Variants in RAD54L2 observed in about 807,000 individuals in gnomAD.
RAD54L2 encodes the protein RAD54 like 2, also known as helicase ARIP4.
RAD54L2 carries 27 observed loss-of-function variants against 138.4 expected under a neutral mutation model. The observed-to-expected ratio is 0.20, with a 90% CI of 0.14 to 0.27. RAD54L2 has a LOEUF of 0.27. Among genes scored for constraint, RAD54L2 ranks in the 10% least tolerant of loss-of-function variants. The pLI is 1.00. For synonymous variants in RAD54L2, 644 were observed against 723.2 expected, an observed-to-expected ratio of 0.89 and a Z score of 1.76; for missense variants, 1,396 against 1,890.2, an observed-to-expected ratio of 0.74 and a Z score of 4.85.
Position 51,662,814 on chromosome 3 carries a change from G to C in RAD54L2, c.3798G>C (p.Glu1266Asp). Residue 1266 changes from glutamate (E) to aspartate (D), a missense_variant, in exon 23 of 23, where the codon GAG becomes GAC. Physicochemically the swap from Glu to Asp is conservative, Grantham distance 45. This residue lies in a region of RAD54L2 where 634 missense variants were observed against 711.2 expected (regional missense o/e 0.89). Transcript: ENST00000684192. The surrounding 1 kb of genome is among the most constrained non-coding windows in gnomAD (Gnocchi z 4.6). ...TGGCCACACCACCTGCTGCCCAGGA[G>C]TCATCCCGCCGGCGGTCCAGGAAGG... ...RKLATPPAAQESSRRRSRKGH... is the reference protein window; with the variant it reads ...RKLATPPAAQDSSRRRSRKGH... 1 of 1,611,654 alleles carries C rather than the reference G, an allele frequency of 6.2e-7. No homozygotes were observed. Among genetic ancestry groups the C allele is most frequent in the Non-Finnish European group, 8.5e-7 (1 of 1,178,982 alleles).
At chr3:51,588,185 CAAAAAAAAAAAAA>C (rs987919898) in intron 2 of RAD54L2, among the ~76,000 whole-genome samples, 3 of 12,714 alleles carry the variant, frequency 2.4e-4, no homozygotes, top group Non-Finnish European at 4.9e-4. Context: ...GACTCCATCT[CAAAAAAAAAAAAA>C]AAAAAAAAAA....
At chr3:51,608,090 G>A (rs969077816) in intron 3 of RAD54L2, among the ~76,000 whole-genome samples, 1 of 151,760 alleles carries the variant, frequency 6.6e-6, no homozygotes, top group African/African-American at 2.4e-5. Flanking sequence ...GCCGGGTGGA[G>A]GGGCTCCTCA....
chr3:51,626,090 C>A (rs1303605094), intron 3 of RAD54L2, among the ~76,000 whole-genome samples: 1 of 149,334 alleles, frequency 6.7e-6, no homozygotes, highest in Non-Finnish European at 1.5e-5. Context: ...CCGACCCCAC[C>A]AAAAAAAAAC....
At chr3:51,577,777 T>A (rs1699512550) in intron 2 of RAD54L2, among the ~76,000 whole-genome samples, 1 of 152,188 alleles carries the variant, frequency 6.6e-6, no homozygotes, top group Non-Finnish European at 1.5e-5. Flanking sequence ...CCACCCAGTG[T>A]CCGACAAGCC....
chr3:51,663,669 A>T lies in RAD54L2; in HGVS notation c.*249A>T. 2.1e-6 allele frequency: 1 copy of T among 480,866 alleles called. No individual in the cohort carries two copies. Among genetic ancestry groups the T allele is most frequent in the Non-Finnish European group, 3.6e-6 (1 of 274,186 alleles). The allele number at this position is 480,866 out of a possible 1,614,324, so 29.8% of individuals were successfully genotyped here. On this transcript the variant is annotated 3_prime_UTR_variant, in exon 23 of 23. Coordinates refer to ENST00000684192, the MANE Select transcript of RAD54L2 (RefSeq NM_015106.4). Reference sequence around the variant, plus strand: ...AATCAGGGACCCAAAACAGGGATGGAGGGGCAGTGCAGCCTCTTTTCCTTC... The same window carrying T: ...AATCAGGGACCCAAAACAGGGATGGTGGGGCAGTGCAGCCTCTTTTCCTTC...
chr3:51,580,462 T>TA (rs1234307140), intron 2 of RAD54L2, among the ~76,000 whole-genome samples: 1 of 152,088 alleles, frequency 6.6e-6, no homozygotes, highest in African/African-American at 2.4e-5. Flanking sequence ...CCCTACTTCT[T>TA]AGAGTTCAGT....
At chr3:51,655,784 T>G (rs983179457) in intron 19 of RAD54L2, among the ~76,000 whole-genome samples, 187 bp from the exon 20 acceptor site, 2 of 152,222 alleles carry the variant, frequency 1.3e-5, no homozygotes, top group African/African-American at 4.8e-5. Flanking sequence ...TCTGCCTCTT[T>G]TGCTGCAACT....
chr3:51,541,563 C>T (rs1300763337), intron 1 of RAD54L2, 26 bp from the exon 2 acceptor site: 2 of 152,206 alleles, frequency 1.3e-5, no homozygotes, highest in Non-Finnish European at 2.9e-5. Context: ...GTTGCTTATC[C>T]CCTATGTCTG....
At chr3:51,553,866 A>G (rs1341979766) in intron 2 of RAD54L2, among the ~76,000 whole-genome samples, 2 of 152,192 alleles carry the variant, frequency 1.3e-5, no homozygotes, top group Non-Finnish European at 2.9e-5. Context: ...ACCATACTAT[A>G]GTCTATTAAG....
intron 15 of RAD54L2, among the ~76,000 whole-genome samples, chr3:51,643,145 C>T (rs966479251): frequency 1.3e-5 from 2 of 150,578 alleles, no homozygotes; most frequent in Non-Finnish European, 2.9e-5. Flanking sequence ...AAGTGATTCT[C>T]CTGCCTCAGC....
chr3:51,662,823 C>G lies in RAD54L2; in HGVS notation c.3807C>G (p.Arg1269=), dbSNP rs766223139. ...CACCTGCTGCCCAGGAGTCATCCCG[C>G]CGGCGGTCCAGGAAGGGTCATCTGC... The part of the protein sequence containing the change: ...ATPPAAQESS[R]RRSRKGHLPA... Residue 1269 remains arginine (R), a synonymous_variant, in exon 23 of 23, where the codon CGC becomes CGG. Coordinates refer to ENST00000684192, the MANE Select transcript of RAD54L2 (RefSeq NM_015106.4). The surrounding 1 kb of genome is among the most constrained non-coding windows in gnomAD (Gnocchi z 4.6). The G allele has an allele frequency of 6.2e-7, 1 of 1,612,108 alleles. No individual in the cohort carries two copies. The highest frequency in any genetic ancestry group is 1.1e-5 in the South Asian group (1 of 90,774).
At chr3:51,583,105 T>C (rs1699644064) in intron 2 of RAD54L2, among the ~76,000 whole-genome samples, 1 of 152,182 alleles carries the variant, frequency 6.6e-6, no homozygotes, top group African/African-American at 2.4e-5. Context: ...AACTTACATG[T>C]TAGCAAATAA....
chr3:51,540,709 C>T (rs183528667), intron 1 of RAD54L2, among the ~76,000 whole-genome samples: 14 of 152,318 alleles, frequency 9.2e-5, no homozygotes, highest in Admixed American at 5.2e-4. Context: ...TTATTGTAAA[C>T]ATTATCTTTT....
At chr3:51,624,795 A>G (rs745741283) in intron 3 of RAD54L2, among the ~76,000 whole-genome samples, 96 of 152,202 alleles carry the variant, frequency 6.3e-4, no homozygotes, top group Non-Finnish European at 1.1e-3. Context: ...TGGCATCAAC[A>G]TGAAAGGGAC....
chr3:51,561,359 C>T (rs1197406798), intron 2 of RAD54L2, among the ~76,000 whole-genome samples: 2 of 152,166 alleles, frequency 1.3e-5, no homozygotes, highest in Non-Finnish European at 2.9e-5. Context: ...GATTCTCCTG[C>T]CTCAGCCTCC....
rs911445897 is a variant in RAD54L2 at position 51,538,805 on chromosome 3, A to C, written c.-227A>C. On this transcript the variant is annotated 5_prime_UTR_variant, in exon 1 of 23. Coordinates refer to ENST00000684192, the MANE Select transcript of RAD54L2 (RefSeq NM_015106.4). Reference sequence around the variant, plus strand: ...GGCCTGGCCGGCTGCTTCCCGCCTCAGCCGCCGCCCCCGCCTCCGCCGCCG... The same window carrying C: ...GGCCTGGCCGGCTGCTTCCCGCCTCCGCCGCCGCCCCCGCCTCCGCCGCCG... Among the ~76,000 whole-genome samples the C allele has an allele frequency of 2.6e-5, 4 of 151,812 alleles. No individual in the cohort carries two copies. The highest frequency in any genetic ancestry group is 1.3e-4 in the Admixed American group (2 of 15,244).
At chr3:51,568,520 A>G (rs1038015038) in intron 2 of RAD54L2, among the ~76,000 whole-genome samples, 1 of 152,166 alleles carries the variant, frequency 6.6e-6, no homozygotes, top group Admixed American at 6.5e-5. Context: ...TAGGTGTTCC[A>G]CTTTTCTTCT....
intron 3 of RAD54L2, among the ~76,000 whole-genome samples, chr3:51,619,882 T>G (rs1168788453): frequency 6.6e-6 from 1 of 152,188 alleles, no homozygotes; most frequent in African/African-American, 2.4e-5. Flanking sequence ...CTAGTGAATT[T>G]TGATTAAACA....
intron 3 of RAD54L2, among the ~76,000 whole-genome samples, chr3:51,606,473 G>A (rs1700182844): frequency 6.6e-6 from 1 of 152,118 alleles, no homozygotes; most frequent in South Asian, 2.1e-4. Context: ...TGGTGACATT[G>A]TGGAGTGTAG....
Sources: allele counts gnomAD v4.1 joint callset (sites outside exome capture counted in the v4.1 genomes callset), GRCh38; gene constraint gnomAD v4.1.1; regional missense constraint gnomAD v4.1.1; non-coding constraint Gnocchi (gnomAD v3.1); transcripts MANE v1.5; gene names NCBI Gene and HGNC (gene_info 2026-07-23, HGNC 2026-07-21).